The following TTN variants were observed in gnomAD, a reference collection of about 807,000 sequenced individuals.
TTN encodes the protein connectin.
TTN carries 1,525 observed loss-of-function variants against 3,223.0 expected under a neutral mutation model. That is an observed-to-expected ratio of 0.47 (90% CI 0.45 to 0.49). The LOEUF (loss-of-function observed/expected upper bound fraction) is 0.49, where lower values mean the gene tolerates loss of function less well. TTN is among the 20% of genes least tolerant of loss of function. The pLI, the probability that TTN is intolerant of heterozygous loss-of-function variation, is 0.00. For synonymous variants in TTN, 14,094 were observed against 15,161.0 expected, an observed-to-expected ratio of 0.93 and a Z score of 5.17; for missense variants, 40,786 against 43,424.0, an observed-to-expected ratio of 0.94 and a Z score of 5.40.
chr2:178,569,614 T>C lies in TTN; in HGVS notation c.76518A>G (p.Glu25506=). The part of the protein sequence containing the change: ...PGPIIVEEKL[E]APDIDLDLEL... Reference sequence around the variant, plus strand: ...CTAGGTCAAGATCAATGTCTGGTGCTTCTAATTTTTCTTCAACTATAATAG... The same window carrying C: ...CTAGGTCAAGATCAATGTCTGGTGCCTCTAATTTTTCTTCAACTATAATAG... Residue 25506 remains glutamate, a synonymous_variant, in exon 326 of 363, where the codon GAA becomes GAG. Transcript: ENST00000589042. 6.2e-7 allele frequency: 1 copy of C among 1,612,102 alleles called. No individual in the cohort carries two copies. The highest frequency in any genetic ancestry group is 8.5e-7 in the Non-Finnish European group (1 of 1,179,012).
At chr2:178,662,866 T>C (rs1050567171) in intron 174 of TTN, 54 bp from the exon 175 acceptor site, 14 of 1,549,684 alleles carry the variant, frequency 9.0e-6, no homozygotes, top group Non-Finnish European at 1.2e-5. Context: ...GAATATCGAC[T>C]CCACATTTAC....
rs1367929877 is a variant in TTN at position 178,565,683 on chromosome 2, C to A, written c.80449G>T (p.Val26817Phe). Reference sequence around the variant, plus strand: ...TCAGTTCCTTTGGGCTGCATTTCAACAACGTACCCCAGGACTCTGCTACCG... The same window carrying A: ...TCAGTTCCTTTGGGCTGCATTTCAAAAACGTACCCCAGGACTCTGCTACCG... ...DGGSRVLGYV[V>F]EMQPKGTEKW... is the part of the protein sequence containing the mutation. The change falls in exon 326 of 363, where the codon GTT becomes TTT. Residue 26817 changes from valine to phenylalanine, a missense_variant. Coordinates refer to ENST00000589042, the MANE Select transcript of TTN (RefSeq NM_001267550.2). 6.2e-7 allele frequency: 1 copy of A among 1,613,524 alleles called. No individual in the cohort carries two copies. Among genetic ancestry groups the A allele is most frequent in the Non-Finnish European group, 8.5e-7 (1 of 1,179,662 alleles).
chr2:178,536,350 C>T lies in TTN; in HGVS notation c.100397G>A (p.Arg33466His), dbSNP rs189626540. 7.1e-5 allele frequency: 115 copies of T among 1,613,728 alleles called. No homozygotes were observed. The highest frequency in any genetic ancestry group is 5.5e-4 in the Admixed American group (33 of 60,006). The change falls in exon 357 of 363, where the codon CGT (arginine) becomes CAT (histidine). Residue 33466 changes from arginine (R) to histidine (H), a missense_variant. By Grantham distance (29) the Arg-to-His change is conservative. Coordinates refer to ENST00000589042, the MANE Select transcript of TTN (RefSeq NM_001267550.2). ...CCCACCTAGATTTTCACATTTCACA[C>T]GAAACTCGTATTCAAGACCTTCAAT... ...NLIEGLEYEF[R>H]VKCENLGGES...
At position 178,589,820 on chromosome 2, in the gene TTN, G is replaced by A. The variant is rs749547976; in HGVS notation, c.61905C>T (p.Asn20635=). 1.2e-6 allele frequency: 2 copies of A among 1,613,536 alleles called. No homozygotes were observed. The highest frequency in any genetic ancestry group is 3.3e-5 in the Admixed American group (2 of 60,000). ...CACAAACTCGGAAATAGTATTCATT[G>A]TTGGCTAAAAGGTTGGCCTTGATTA... is the stretch of plus-strand genomic sequence containing the variant. ...KRLIKANLLA[N]NEYYFRVCAE... The change falls in exon 304 of 363, where the codon AAC becomes AAT. Residue 20635 remains asparagine, a synonymous_variant. Coordinates refer to ENST00000589042, the MANE Select transcript of TTN (RefSeq NM_001267550.2).
At position 178,552,994 on chromosome 2, in the gene TTN, A is replaced by G. The variant is rs201220828; in HGVS notation, c.89906T>C (p.Val29969Ala). The G allele has an allele frequency of 5.6e-6, 9 of 1,611,958 alleles. No homozygotes were observed. In the African/African-American group the frequency reaches 9.3e-5, roughly 17 times the overall value. Residue 29969 changes from valine to alanine, a missense_variant, in exon 335 of 363, where the codon GTC becomes GCC. Physicochemically the swap from Val to Ala is moderately conservative, Grantham distance 64. Coordinates refer to ENST00000589042, the MANE Select transcript of TTN (RefSeq NM_001267550.2). Reference protein sequence around the residue: ...IDGGSPIINYVIEKRDATKRT... With the variant: ...IDGGSPIINYAIEKRDATKRT... ...CTTGGTGGCATCTCTCTTTTCAATG[A>G]CATAATTAATTATTGGAGATCCTCC...
intron 307 of TTN, 112 bp from the exon 308 acceptor site, chr2:178,586,919 A>T: frequency 7.0e-7 from 1 of 1,422,106 alleles, no homozygotes; most frequent in Non-Finnish European, 9.6e-7. Context: ...TAGAACCTGT[A>T]GTTCAGTACA....
intron 18 of TTN, 90 bp from the exon 19 acceptor site, chr2:178,782,692 C>A (rs757741282): frequency 2.5e-6 from 4 of 1,603,832 alleles, no homozygotes; most frequent in Non-Finnish European, 2.6e-6. Flanking sequence ...TAATCTCCCC[C>A]CAAGTTCCAA....
intron 362 of TTN, 41 bp from the exon 363 acceptor site, chr2:178,527,348 G>GA (rs1163031083): frequency 6.4e-7 from 1 of 1,563,578 alleles, no homozygotes; most frequent in Non-Finnish European, 8.6e-7. Context: ...TAGAATCACT[G>GA]AAAAAAATAA....
chr2:178,717,764 A>G lies in TTN; in HGVS notation c.25110T>C (p.His8370=). The change falls in exon 87 of 363, where the codon CAT becomes CAC. Residue 8370 remains histidine, a synonymous_variant. Transcript: ENST00000589042. ...PFFARKLKDV[H]ETLGFPVAFE... is the part of the protein sequence containing the mutation. The stretch of plus-strand genomic sequence containing the variant: ...ATGCAACTGGGAAGCCTAGAGTCTC[A>G]TGAACGTCTTTCAGTTTTCTTGCAA... 6.2e-7 allele frequency: 1 copy of G among 1,610,156 alleles called. No homozygotes were observed. Among genetic ancestry groups the G allele is most frequent in the Non-Finnish European group, 8.5e-7 (1 of 1,178,116 alleles).
In TTN at chr2:178,614,090, G is replaced by T. The variant is rs1438404271; in HGVS notation, c.49307C>A (p.Pro16436Gln). Residue 16436 changes from proline to glutamine, a missense_variant, in exon 262 of 363, where the codon CCA (proline) becomes CAA (glutamine). Transcript: ENST00000589042. Reference sequence around the variant, plus strand: ...GGCTGTTATTGGAGAGGCCTGAACTGGTTCACCAACACCATACATGTTTTC... The same window carrying T: ...GGCTGTTATTGGAGAGGCCTGAACTTGTTCACCAACACCATACATGTTTTC... Reference protein sequence around the residue: ...AAENMYGVGEPVQASPITAKY... With the variant: ...AAENMYGVGEQVQASPITAKY... The T allele has an allele frequency of 6.2e-7, 1 of 1,612,274 alleles. No individual in the cohort carries two copies. Among genetic ancestry groups the T allele is most frequent in the East Asian group, 2.2e-5 (1 of 44,534 alleles).
chr2:178,590,917 TA>T lies in TTN; in HGVS notation c.60807del (p.Phe20269LeufsTer35). On this transcript the variant is annotated frameshift_variant, in exon 304 of 363. Coordinates refer to ENST00000589042, the MANE Select transcript of TTN (RefSeq NM_001267550.2). LOFTEE classifies it high-confidence loss of function. ...GGTTTACCAGGAGGAGACGGAGGAC[TA>T]AATTTATGCTTAGCAACAGTAGGTG... ...DSTPTVAKHK[F>X]SPPSPPGKPV... The T allele has an allele frequency of 6.2e-7, 1 of 1,612,878 alleles. No individual in the cohort carries two copies. The highest frequency in any genetic ancestry group is 2.2e-5 in the East Asian group (1 of 44,784).
chr2:178,640,361 T>A (rs1284215364), intron 221 of TTN, among the ~76,000 whole-genome samples, 180 bp downstream of exon 221: 1 of 151,996 alleles, frequency 6.6e-6, no homozygotes, highest in African/African-American at 2.4e-5. Context: ...AGGTAACTTA[T>A]TTAGCAACTG....
Position 178,710,598 on chromosome 2 carries a change from T to C in TTN, c.28462+37A>G, listed in dbSNP as rs368553270. 4 of 1,577,922 alleles carry C rather than the reference T, an allele frequency of 2.5e-6. No individual in the cohort carries two copies. In the African/African-American group the frequency reaches 4.0e-5, roughly 16 times the overall value. On this transcript the variant is annotated intron_variant, in intron 98 of 362. Coordinates refer to ENST00000589042, the MANE Select transcript of TTN (RefSeq NM_001267550.2). Reference sequence around the variant, plus strand: ...CCTTCAGGCTATACTACAAAATGATTACACTTTTGTTGGACCACTTGCAAA... The same window carrying C: ...CCTTCAGGCTATACTACAAAATGATCACACTTTTGTTGGACCACTTGCAAA...
chr2:178,602,221 A>T, intron 283 of TTN, 61 bp downstream of exon 283: 10 of 1,595,998 alleles, frequency 6.3e-6, no homozygotes, highest in Non-Finnish European at 8.5e-6. Context: ...ATCTTCAGTA[A>T]ATTAATCAAT....
At chr2:178,700,005 G>A (rs919924878) in intron 111 of TTN, among the ~76,000 whole-genome samples, 11 of 152,104 alleles carry the variant, frequency 7.2e-5, no homozygotes, top group African/African-American at 2.7e-4. Context: ...GTGAGCCACC[G>A]CGCCAGGCCT....
chr2:178,527,837 AAC>A, intron 361 of TTN, 89 bp from the exon 362 acceptor site: 17 of 1,251,724 alleles, frequency 1.4e-5, no homozygotes, highest in Non-Finnish European at 1.5e-5. Context: ...TGGAAACTTC[AAC>A]ACACACACAG....
chr2:178,652,424 T>C, intron 202 of TTN, 34 bp downstream of exon 202: 1 of 1,613,084 alleles, frequency 6.2e-7, no homozygotes, highest in Non-Finnish European at 8.5e-7. Flanking sequence ...CAGAAGAGTT[T>C]GATCATCTGA....
At position 178,620,577 on chromosome 2, in the gene TTN, T is replaced by C; in HGVS notation, c.45944A>G (p.Glu15315Gly). Residue 15315 changes from glutamate (E) to glycine (G), a missense_variant, in exon 248 of 363, where the codon GAG becomes GGG. Coordinates refer to ENST00000589042, the MANE Select transcript of TTN (RefSeq NM_001267550.2). The part of the protein sequence containing the change: ...VEPLKDIETM[E>G]KKSVTFWCKV... ...GCACCAGAATGTGACAGATTTCTTC[T>C]CCATTGTTTCAATATCTTTAAGAGG... is the stretch of plus-strand genomic sequence containing the variant. The C allele has an allele frequency of 3.1e-6, 5 of 1,611,360 alleles. No homozygotes were observed. The highest frequency in any genetic ancestry group is 4.2e-6 in the Non-Finnish European group (5 of 1,178,526).
rs760861684 is a variant in TTN, at chr2:178,669,373, T to A, written c.35545A>T (p.Ile11849Phe). ...IVISEDTEMYIYEASEEAVLE... is the reference protein window; with the variant it reads ...IVISEDTEMYFYEASEEAVLE... ...GAACCACTAATTTTTCTACACTCAC[T>A]GTACATCTCTGTGTCTTCAGAAATA... The change falls in exon 159 of 363, where the codon ATT becomes TTT. Residue 11849 changes from isoleucine to phenylalanine, a missense_variant and splice_region_variant. By Grantham distance (21) the Ile-to-Phe change is conservative. Coordinates refer to ENST00000589042, the MANE Select transcript of TTN (RefSeq NM_001267550.2). 10 of 1,522,074 alleles carry A rather than the reference T, an allele frequency of 6.6e-6. No homozygotes were observed. The highest frequency in any genetic ancestry group is 8.7e-6 in the Non-Finnish European group (10 of 1,144,460). The allele number at this position is 1,522,074 out of a possible 1,614,324, so 94.3% of individuals were successfully genotyped here. A position where few individuals can be genotyped will look rare whatever the true frequency, so the allele number is the denominator to read the frequency against.
Sources: gnomAD v4.1 joint callset for allele counts (sites outside exome capture counted in the v4.1 genomes callset) on GRCh38, gnomAD v4.1.1 for gene constraint, MANE v1.5 for transcripts, NCBI Gene and HGNC (gene_info 2026-07-23, HGNC 2026-07-21) for gene names.